Variants in BRD4 observed in about 807,000 individuals in gnomAD.
BRD4 encodes the protein bromodomain-containing protein 4.
In BRD4, 16 loss-of-function variants were observed where a neutral mutation model predicts 142.1. The observed-to-expected ratio is 0.11, with a 90% CI of 0.08 to 0.17. The LOEUF (loss-of-function observed/expected upper bound fraction) is 0.17. Ranked by LOEUF, BRD4 falls within the 10% of genes least tolerant of loss-of-function variation. The pLI is 1.00. For synonymous variants in BRD4, 833 were observed against 707.5 expected (o/e 1.18, Z -2.82); for missense variants, 1,424 against 1,810.9 (o/e 0.79, Z 3.88).
intron 1 of BRD4, among the ~76,000 whole-genome samples, chr19:15,284,060 T>C (rs567055742): frequency 6.6e-6 from 1 of 152,278 alleles, no homozygotes; most frequent in East Asian, 1.9e-4. Flanking sequence ...AGCCTGGGTA[T>C]CTCGATGAAG....
At position 15,255,605 on chromosome 19, in the gene BRD4, G is replaced by C. The variant is rs756532782; in HGVS notation, c.1752-13C>G. ...TGGCTCCTTCTTGCTACGAAGGGAC[G>C]ATGCAGACACCATCAAGAACGGGCC... On this transcript the variant is annotated splice_polypyrimidine_tract_variant and intron_variant, in intron 9 of 19. Coordinates refer to ENST00000679869, the MANE Select transcript of BRD4 (RefSeq NM_001379291.1). The C allele has an allele frequency of 6.3e-7, 1 of 1,590,504 alleles. No homozygotes were observed. Among genetic ancestry groups the C allele is most frequent in the South Asian group, 1.1e-5 (1 of 89,090 alleles).
chr19:15,263,691 G>T, intron 6 of BRD4, 143 bp from the exon 7 acceptor site: 3 of 1,041,264 alleles, frequency 2.9e-6, no homozygotes, highest in Non-Finnish European at 4.2e-6. Context: ...GGGGGGACAG[G>T]CCATCACCCC....
intron 1 of BRD4, among the ~76,000 whole-genome samples, chr19:15,276,130 G>A (rs1037833143): frequency 6.6e-6 from 1 of 152,228 alleles, no homozygotes; most frequent in Non-Finnish European, 1.5e-5. Flanking sequence ...CTGACCTACT[G>A]CTATGCCCAC....
At chr19:15,252,815 C>T (rs79221250) in intron 11 of BRD4, among the ~76,000 whole-genome samples, 1 of 152,142 alleles carries the variant, frequency 6.6e-6, no homozygotes, top group Admixed American at 6.5e-5. Context: ...TCCTCACTCA[C>T]CTGGGAAGCA....
Position 15,265,652 on chromosome 19 carries a change from C to CATA in BRD4, c.560-12_560-10dup, listed in dbSNP as rs755246140. Reference sequence around the variant, plus strand: ...GCCAGGTTTTGCTGTCCCTACAAATCATAATAAGACGGCGAGTTAGAGACC... The same window carrying CATA: ...GCCAGGTTTTGCTGTCCCTACAAATCATAATAATAAGACGGCGAGTTAGAGACC... On this transcript the variant is annotated splice_polypyrimidine_tract_variant and intron_variant, in intron 4 of 19. Transcript: ENST00000679869. The CATA allele has an allele frequency of 2.5e-6, 4 of 1,613,958 alleles. No individual in the cohort carries two copies. In the African/African-American group the frequency reaches 5.3e-5, roughly 22 times the overall value.
In BRD4 at chr19:15,273,105, T is replaced by C; in HGVS notation, c.-6A>G. The C allele has an allele frequency of 3.2e-6, 5 of 1,576,776 alleles. No individual in the cohort carries two copies. The highest frequency in any genetic ancestry group is 3.5e-6 in the Non-Finnish European group (4 of 1,159,332). On this transcript the variant is annotated 5_prime_UTR_variant, in exon 2 of 20. Coordinates refer to ENST00000679869, the MANE Select transcript of BRD4 (RefSeq NM_001379291.1). Reference sequence around the variant, plus strand: ...GGGCCGCTCTCCGCAGACATGCTAGTGATCCCATCACATTCTTCACCAGGC... The same window carrying C: ...GGGCCGCTCTCCGCAGACATGCTAGCGATCCCATCACATTCTTCACCAGGC...
At chr19:15,253,764 G>T (rs764496023) in intron 11 of BRD4, 1 of 1,598,082 alleles carries the variant, frequency 6.3e-7, no homozygotes, top group East Asian at 2.2e-5. Context: ...GGGACACGAA[G>T]TCTCCACTGG....
chr19:15,292,824 G>GA (rs1251194797), intron 1 of BRD4, among the ~76,000 whole-genome samples: 11 of 105,646 alleles, frequency 1.0e-4, no homozygotes, highest in Non-Finnish European at 4.1e-5. Flanking sequence ...AAGAAAGAAA[G>GA]AAAGAAAAGA....
intron 1 of BRD4, among the ~76,000 whole-genome samples, chr19:15,311,692 C>T (rs985006597): frequency 1.3e-5 from 2 of 151,904 alleles, no homozygotes; most frequent in African/African-American, 2.4e-5. Flanking sequence ...ATCCCAGCTA[C>T]TTGAGAGGCT....
At position 15,265,253 on chromosome 19, in the gene BRD4, C is replaced by T. The variant is rs562104029; in HGVS notation, c.849+101G>A. The T allele has an allele frequency of 1.0e-4, 120 of 1,179,900 alleles. 2 individuals carry two copies. The South Asian group carries it at 2.2e-3, about 22-fold the overall frequency. 73.1% of individuals were successfully genotyped at this position (1,179,900 alleles called of 1,614,324 possible). A position where few individuals can be genotyped will look rare whatever the true frequency, so the allele number is the denominator to read the frequency against. On this transcript the variant is annotated intron_variant, in intron 5 of 19. Coordinates refer to ENST00000679869, the MANE Select transcript of BRD4 (RefSeq NM_001379291.1). ...AGCAAGATCTCCCCAGAAACACCCA[C>T]CAGTGCCCGGGACCCAGGACAGGCT...
At chr19:15,250,423 T>C (rs1359703799) in intron 11 of BRD4, among the ~76,000 whole-genome samples, 2 of 152,234 alleles carry the variant, frequency 1.3e-5, no homozygotes, top group Non-Finnish European at 2.9e-5. Context: ...TGAGGCTGGT[T>C]GTGTGGTAAG....
At chr19:15,316,726 G>A (rs1243621242) in intron 1 of BRD4, among the ~76,000 whole-genome samples, 1 of 152,250 alleles carries the variant, frequency 6.6e-6, no homozygotes, top group Admixed American at 6.5e-5. Context: ...TCCTCAGGAG[G>A]GAAGCACTGT....
intron 1 of BRD4, among the ~76,000 whole-genome samples, chr19:15,310,203 T>C (rs953460245): frequency 7.0e-6 from 1 of 141,918 alleles, no homozygotes. Context: ...CAATCCATTT[T>C]TAAACAGTCC....
chr19:15,266,905 C>T (rs1315169546), intron 4 of BRD4, among the ~76,000 whole-genome samples: 1 of 152,172 alleles, frequency 6.6e-6, no homozygotes, highest in Non-Finnish European at 1.5e-5. Flanking sequence ...AACCCTGTGT[C>T]AGTTGGGGGT....
chr19:15,252,111 G>A (rs993948765), intron 11 of BRD4, among the ~76,000 whole-genome samples: 1 of 152,154 alleles, frequency 6.6e-6, no homozygotes, highest in African/African-American at 2.4e-5. Flanking sequence ...AGCGGCAGGA[G>A]GGGTGTGGGG....
chr19:15,286,855 T>C (rs914205589), intron 1 of BRD4, among the ~76,000 whole-genome samples: 3 of 152,258 alleles, frequency 2.0e-5, no homozygotes, highest in Admixed American at 6.5e-5. Flanking sequence ...CATTTTTTGA[T>C]GCTCAAGAGC....
In BRD4 at chr19:15,276,475, T is replaced by G. The variant is rs1039852312; in HGVS notation, c.-34-3342A>C. On this transcript the variant is annotated intron_variant, in intron 1 of 19. Transcript: ENST00000679869. ...CTAGCCCTACTGCCAGACAGATGGATGGATGCAGACATAGGCTCACAGACT... is the reference window on the plus strand; with the variant it reads ...CTAGCCCTACTGCCAGACAGATGGAGGGATGCAGACATAGGCTCACAGACT... Among the ~76,000 whole-genome samples the G allele has an allele frequency of 8.5e-5, 13 of 152,126 alleles. 1 individual carries two copies. The highest frequency in any genetic ancestry group is 4.6e-4 in the Admixed American group (7 of 15,288).
chr19:15,241,555 G>A (rs916323577), intron 14 of BRD4, among the ~76,000 whole-genome samples: 3 of 152,174 alleles, frequency 2.0e-5, no homozygotes, highest in South Asian at 4.1e-4. Flanking sequence ...CTTGGGTCAC[G>A]GCCAGGGACC....
rs1316221396 is a variant in BRD4, at chr19:15,238,893, G to A, written c.3870C>T (p.Arg1290=). Residue 1290 remains arginine, a synonymous_variant, in exon 19 of 20, where the codon CGC becomes CGT. Transcript: ENST00000679869. This position sits in a 1 kb window ranked among gnomAD's most constrained non-coding sequence, Gnocchi z 7.2. Reference sequence around the variant, plus strand: ...GTTGCTGCTGCTGCTGTTGCTCCTGGCGCTGCTGCTGCTGCTGCTCCTGGC... The same window carrying A: ...GTTGCTGCTGCTGCTGTTGCTCCTGACGCTGCTGCTGCTGCTGCTCCTGGC... ...RRRQEQQQQQ[R]QEQQQQQQQQ... 5.6e-6 allele frequency: 9 copies of A among 1,596,158 alleles called. No homozygotes were observed. Among genetic ancestry groups the A allele is most frequent in the Non-Finnish European group, 6.8e-6 (8 of 1,172,462 alleles).
Sources: allele counts gnomAD v4.1 joint callset (sites outside exome capture counted in the v4.1 genomes callset), GRCh38; gene constraint gnomAD v4.1.1; non-coding constraint Gnocchi (gnomAD v3.1); transcripts MANE v1.5; gene names NCBI Gene and HGNC (gene_info 2026-07-23, HGNC 2026-07-21).